HDGFL2: variants seen among roughly 807,000 people sequenced by gnomAD.
The protein encoded by HDGFL2 is HDGF like 2.
HDGFL2 carries 36 observed loss-of-function variants against 77.1 expected under a neutral mutation model. That is an observed-to-expected ratio of 0.47 (90% CI 0.36 to 0.62). HDGFL2 has a LOEUF of 0.62. HDGFL2 is among the 20% of genes least tolerant of loss of function. The pLI is 0.00. For synonymous variants in HDGFL2, 463 were observed against 413.1 expected (o/e 1.12, Z -1.46); for missense variants, 976 against 973.4 (o/e 1.00, Z -0.04).
intron 3 of HDGFL2, among the ~76,000 whole-genome samples, chr19:4,481,337 C>T (rs894990182): frequency 6.6e-6 from 1 of 151,534 alleles, no homozygotes; most frequent in Non-Finnish European, 1.5e-5. Context: ...ACTACAGGCG[C>T]CCGCCACCAC....
At chr19:4,488,947 C>A in intron 4 of HDGFL2, 71 bp downstream of exon 4, 2 of 1,110,714 alleles carry the variant, frequency 1.8e-6, no homozygotes, top group Admixed American at 2.8e-5. Context: ...GCTTGCTCTC[C>A]TGCCCTTTTT....
chr19:4,473,983 T>G (rs908680809), intron 1 of HDGFL2, among the ~76,000 whole-genome samples: 5 of 152,002 alleles, frequency 3.3e-5, no homozygotes, highest in Admixed American at 2.6e-4. Flanking sequence ...CCCGACGACC[T>G]GGATAGTCCC....
rs1405853146 is a variant in HDGFL2, at chr19:4,501,756, C to T, written c.1917-155C>T. 1.2e-5 allele frequency: 7 copies of T among 573,936 alleles called. No homozygotes were observed. The East Asian group carries it at 1.9e-4, about 16-fold the overall frequency. The allele number at this position is 573,936 out of a possible 1,614,324, so 35.6% of individuals were successfully genotyped here. On this transcript the variant is annotated intron_variant, in intron 15 of 15. Transcript: ENST00000616600. ...TGGGGACCCTGGAGATGGTTGTGGT[C>T]TCTAGTGGCAGAAGACAGGCAGATA... is the stretch of plus-strand genomic sequence containing the variant.
Position 4,488,769 on chromosome 19 carries a change from G to A in HDGFL2, c.382G>A (p.Val128Ile), listed in dbSNP as rs760126562. 4.1e-5 allele frequency: 64 copies of A among 1,552,264 alleles called. No homozygotes were observed. Among genetic ancestry groups the A allele is most frequent in the Middle Eastern group, 3.3e-4 (2 of 6,012 alleles). ...EDDEDRGVMA[V>I]TAVTATAASD... ...CGATGAGGACCGGGGGGTCATGGCC[G>A]TCACAGCGGTAACCGCCACAGCTGC... is the stretch of plus-strand genomic sequence containing the variant. Residue 128 changes from valine to isoleucine, a missense_variant, in exon 4 of 16, where the codon GTC becomes ATC. Physicochemically the swap from Val to Ile is conservative, Grantham distance 29. Around this residue, in one of 5 missense-constraint regions of HDGFL2, gnomAD observed 567 missense variants for 534.7 expected, o/e 1.06. Coordinates refer to ENST00000616600, the MANE Select transcript of HDGFL2 (RefSeq NM_001001520.3).
At chr19:4,501,430 G>A in intron 15 of HDGFL2, 113 bp downstream of exon 15, 2 of 1,304,194 alleles carry the variant, frequency 1.5e-6, no homozygotes, top group Non-Finnish European at 2.0e-6. Context: ...TCCCAGGGAT[G>A]TCGTCCTTAC....
intron 15 of HDGFL2, 107 bp from the exon 16 acceptor site, chr19:4,501,804 G>A: frequency 2.6e-6 from 2 of 764,578 alleles, no homozygotes; most frequent in South Asian, 4.5e-5. Context: ...TCGAGCCTCA[G>A]GTGCCACAAC....
At chr19:4,477,198 C>T (rs1001142518) in intron 3 of HDGFL2, among the ~76,000 whole-genome samples, 3 of 152,086 alleles carry the variant, frequency 2.0e-5, no homozygotes, top group Non-Finnish European at 4.4e-5. Context: ...GATCCGCAGA[C>T]GTTTCGGTGG....
intron 15 of HDGFL2, 53 bp downstream of exon 15, chr19:4,501,370 C>T (rs536278537): frequency 1.1e-4 from 173 of 1,535,618 alleles, no homozygotes; most frequent in African/African-American, 3.4e-4. Context: ...CGGTGTGACG[C>T]GCACCCTGGG....
At chr19:4,472,620 C>T (rs1487594225) in intron 1 of HDGFL2, among the ~76,000 whole-genome samples, 198 bp downstream of exon 1, 1 of 147,116 alleles carries the variant, frequency 6.8e-6, no homozygotes, top group Admixed American at 6.7e-5. Flanking sequence ...TCCTGGGCCG[C>T]AGGGAGCTGC....
At chr19:4,493,674 T>A in intron 6 of HDGFL2, 29 bp from the exon 7 acceptor site, 1 of 1,415,110 alleles carries the variant, frequency 7.1e-7, no homozygotes, top group South Asian at 1.6e-5. Flanking sequence ...GGGCTCCTGA[T>A]GCTCACGCCT....
intron 3 of HDGFL2, 121 bp from the exon 4 acceptor site, chr19:4,488,555 G>C (rs1459102578): frequency 1.1e-6 from 1 of 882,248 alleles, no homozygotes; most frequent in Non-Finnish European, 1.7e-6. Context: ...GTAAAGCCAG[G>C]AGACAACACG....
chr19:4,501,891 G>T lies in HDGFL2; in HGVS notation c.1917-20G>T. The T allele has an allele frequency of 7.0e-7, 1 of 1,429,224 alleles. No individual in the cohort carries two copies. The highest frequency in any genetic ancestry group is 1.5e-5 in the South Asian group (1 of 64,916). 88.5% of individuals were successfully genotyped at this position (1,429,224 alleles called of 1,614,324 possible). On this transcript the variant is annotated intron_variant, in intron 15 of 15. Transcript: ENST00000616600. ...AGGGGCGGGAGGGCATCCTCACACC[G>T]CCTTTGCTGTTCCCACCAGCAGCGT...
chr19:4,497,670 G>T (rs1975742862), intron 10 of HDGFL2: 1 of 483,412 alleles, frequency 2.1e-6, no homozygotes, highest in Non-Finnish European at 3.7e-6. Flanking sequence ...GCTGACTCTG[G>T]TAGACAAAGC....
chr19:4,472,928 G>C (rs1037255029), intron 1 of HDGFL2, among the ~76,000 whole-genome samples: 2 of 150,798 alleles, frequency 1.3e-5, no homozygotes, highest in African/African-American at 4.9e-5. Flanking sequence ...AGGGGGCCGC[G>C]CCTAGGGGTT....
intron 14 of HDGFL2, among the ~76,000 whole-genome samples, chr19:4,500,259 G>A (rs1366554982): frequency 6.6e-6 from 1 of 152,156 alleles, no homozygotes; most frequent in Non-Finnish European, 1.5e-5. Flanking sequence ...CGGCCCAGGG[G>A]GCAGCCGAAG....
chr19:4,500,474 T>G (rs1182228536), intron 14 of HDGFL2, among the ~76,000 whole-genome samples: 59 of 65,620 alleles, frequency 9.0e-4, no homozygotes, highest in East Asian at 1.0e-3. Flanking sequence ...TTTTTTTTTT[T>G]TTTTGAGACG....
intron 10 of HDGFL2, chr19:4,497,583 G>A (rs1408480859): frequency 6.1e-6 from 2 of 330,214 alleles, no homozygotes; most frequent in Non-Finnish European, 1.1e-5. Context: ...GGGGTACAGA[G>A]CAGCACATGG....
At chr19:4,495,174 TGAG>T (rs1975668598) in intron 9 of HDGFL2, among the ~76,000 whole-genome samples, 1 of 151,510 alleles carries the variant, frequency 6.6e-6, no homozygotes, top group African/African-American at 2.4e-5. Flanking sequence ...GATCACGAGG[TGAG>T]GAGATCAAGA....
In HDGFL2 at chr19:4,494,383, G is replaced by T; in HGVS notation, c.1132G>T (p.Asp378Tyr). 7.1e-7 allele frequency: 1 copy of T among 1,403,118 alleles called. No individual in the cohort carries two copies. The highest frequency in any genetic ancestry group is 9.2e-7 in the Non-Finnish European group (1 of 1,083,154). 86.9% of individuals were successfully genotyped at this position (1,403,118 alleles called of 1,614,324 possible). Residue 378 changes from aspartate (D) to tyrosine (Y), a missense_variant, in exon 9 of 16, where the codon GAT becomes TAT. This residue lies in a region of HDGFL2 where 567 missense variants were observed against 534.7 expected (regional missense o/e 1.06). Coordinates refer to ENST00000616600, the MANE Select transcript of HDGFL2 (RefSeq NM_001001520.3). ...GSSGDELRED[D>Y]EPVKKRGRKG... is the part of the protein sequence containing the mutation. ...CAGCGGGGACGAGCTCAGGGAGGAC[G>T]ATGAGCCCGTCAAGAAGCGGGGACG...
Sources: gnomAD v4.1 joint callset for allele counts (sites outside exome capture counted in the v4.1 genomes callset) on GRCh38, gnomAD v4.1.1 for gene constraint, gnomAD v4.1.1 regional missense constraint, MANE v1.5 for transcripts, NCBI Gene and HGNC (gene_info 2026-07-23, HGNC 2026-07-21) for gene names.